DAB1: variants seen among roughly 807,000 people sequenced by gnomAD.
DAB1 encodes DAB adaptor protein 1, also known as disabled homolog 1.
In DAB1, 15 loss-of-function variants were observed where a neutral mutation model predicts 64.6. The observed-to-expected ratio is 0.23, with a 90% CI of 0.16 to 0.36. DAB1 has a LOEUF of 0.36. DAB1 is among the 10% of genes least tolerant of loss of function. DAB1 has a pLI of 1.00. For missense variants in DAB1, 596 were observed against 706.7 expected (o/e 0.84, Z 1.78); for synonymous variants, 235 against 251.9 (o/e 0.93, Z 0.64).
intron 7 of DAB1, among the ~76,000 whole-genome samples, chr1:57,474,784 A>G (rs941961814): frequency 4.6e-5 from 7 of 152,216 alleles, no homozygotes; most frequent in Non-Finnish European, 7.3e-5. Context: ...CTTATAGGAT[A>G]TATTTGGGGA....
intron 3 of DAB1, among the ~76,000 whole-genome samples, chr1:58,380,647 G>C (rs781123530): frequency 2.0e-5 from 3 of 152,204 alleles, no homozygotes; most frequent in Non-Finnish European, 4.4e-5. Context: ...GATAGGATTG[G>C]AGCAGATAGC....
chr1:58,196,342 C>G (rs1433241815), intron 4 of DAB1, among the ~76,000 whole-genome samples: 1 of 152,192 alleles, frequency 6.6e-6, no homozygotes, highest in Non-Finnish European at 1.5e-5. Flanking sequence ...ATCAAGAAGG[C>G]TTCTGCCTGT....
At chr1:57,984,916 G>GTT (rs34070813) in intron 5 of DAB1, among the ~76,000 whole-genome samples, 111 of 149,642 alleles carry the variant, frequency 7.4e-4, no homozygotes, top group East Asian at 2.0e-3. Context: ...AGTTGTTGTT[G>GTT]TTTTTTTTTT....
intron 7 of DAB1, among the ~76,000 whole-genome samples, chr1:57,587,601 T>C (rs1160990603): frequency 3.9e-5 from 6 of 152,208 alleles, no homozygotes; most frequent in Non-Finnish European, 4.4e-5. Context: ...GTTATAATAG[T>C]CATCTCCATG....
intron 4 of DAB1, among the ~76,000 whole-genome samples, chr1:58,240,781 T>C (rs1407468307): frequency 6.6e-6 from 1 of 152,194 alleles, no homozygotes; most frequent in Non-Finnish European, 1.5e-5. Flanking sequence ...CTGACTCTTA[T>C]CATATCCACA....
At chr1:58,024,217 C>T (rs1646854885) in intron 5 of DAB1, among the ~76,000 whole-genome samples, 1 of 152,076 alleles carries the variant, frequency 6.6e-6, no homozygotes, top group South Asian at 2.1e-4. Flanking sequence ...CAGGAGAGGG[C>T]AACATAAAGG....
At chr1:58,444,292 T>C (rs1461141226) in intron 3 of DAB1, among the ~76,000 whole-genome samples, 2 of 152,236 alleles carry the variant, frequency 1.3e-5, no homozygotes, top group African/African-American at 4.8e-5. Flanking sequence ...TGTGCCAAAC[T>C]GTTACAAGAG....
intron 5 of DAB1, among the ~76,000 whole-genome samples, chr1:57,966,844 T>C (rs1645678180): frequency 6.6e-6 from 1 of 152,218 alleles, no homozygotes; most frequent in Non-Finnish European, 1.5e-5. Flanking sequence ...GGAAAGAATG[T>C]TAAGAGCTTA....
At chr1:57,801,452 A>G (rs554225001) in intron 6 of DAB1, among the ~76,000 whole-genome samples, 1 of 152,310 alleles carries the variant, frequency 6.6e-6, no homozygotes, top group South Asian at 2.1e-4. Flanking sequence ...CTTATGGAAT[A>G]CCATTCAGTG....
At chr1:57,313,486 C>G (rs1674913146) in intron 1 of DAB1, among the ~76,000 whole-genome samples, 1 of 152,074 alleles carries the variant, frequency 6.6e-6, no homozygotes, top group Non-Finnish European at 1.5e-5. Context: ...TTTGTGGGAC[C>G]TCAAAAATAC....
chr1:57,197,595 G>C (rs1307495723), intron 2 of DAB1, among the ~76,000 whole-genome samples: 1 of 152,126 alleles, frequency 6.6e-6, no homozygotes, highest in East Asian at 1.9e-4. Context: ...CCAAGGTCTC[G>C]CAGCTAAATA....
intron 1 of DAB1, among the ~76,000 whole-genome samples, chr1:57,325,483 A>G (rs1676080482): frequency 1.3e-5 from 2 of 152,350 alleles, no homozygotes; most frequent in South Asian, 4.1e-4. Context: ...TAAATGAACC[A>G]CTGTGTATAA....
intron 3 of DAB1, among the ~76,000 whole-genome samples, chr1:58,389,060 T>G (rs937064212): frequency 1.1e-4 from 17 of 152,222 alleles, no homozygotes; most frequent in Middle Eastern, 3.4e-3. Context: ...CAGTCCAAGG[T>G]TCTAATCTGG....
chr1:57,169,290 C>T (rs116705484), intron 2 of DAB1, among the ~76,000 whole-genome samples: 1,550 of 152,230 alleles, frequency 0.01, 35 homozygotes, highest in African/African-American at 0.036. Context: ...ATTATCTTTA[C>T]TCATATTTAC....
chr1:58,427,345 T>C (rs1448827462), intron 3 of DAB1, among the ~76,000 whole-genome samples: 1 of 152,188 alleles, frequency 6.6e-6, no homozygotes, highest in African/African-American at 2.4e-5. Flanking sequence ...CCGAATGAGA[T>C]AGGAAGGCCT....
In DAB1 at chr1:58,233,382, T is replaced by C. The variant is rs535375667; in HGVS notation, n.310-82794A>G. Among the ~76,000 whole-genome samples, 4 of 152,240 alleles carry C rather than the reference T, an allele frequency of 2.6e-5. No individual in the cohort carries two copies. The South Asian group carries it at 8.3e-4, about 32-fold the overall frequency. Reference sequence around the variant, plus strand: ...GCAGTCTCCCAGATGGTAAGTGAAGTAGCAGGGCTAGGATTTGAACCCAGG... The same window carrying C: ...GCAGTCTCCCAGATGGTAAGTGAAGCAGCAGGGCTAGGATTTGAACCCAGG... On this transcript the variant is annotated intron_variant and non_coding_transcript_variant, in intron 4 of 20. Coordinates refer to the DAB1 transcript ENST00000485760.
intron 1 of DAB1, among the ~76,000 whole-genome samples, chr1:57,308,702 A>C (rs1288297821): frequency 1.3e-5 from 2 of 152,238 alleles, no homozygotes; most frequent in African/African-American, 2.4e-5. Context: ...ATGGCTAAAA[A>C]GTACTTTTCC....
At chr1:57,530,411 T>C (rs1281129345) in intron 7 of DAB1, among the ~76,000 whole-genome samples, 2 of 152,134 alleles carry the variant, frequency 1.3e-5, no homozygotes, top group Non-Finnish European at 2.9e-5. Flanking sequence ...ATGGATTGTA[T>C]GGACAGAACG....
chr1:57,850,854 T>A (rs1348896785), intron 1 of DAB1, among the ~76,000 whole-genome samples: 1 of 152,220 alleles, frequency 6.6e-6, no homozygotes, highest in East Asian at 1.9e-4. Flanking sequence ...TTCAACTCTC[T>A]GATAAGAATC....
Sources: gnomAD v4.1 joint callset for allele counts (sites outside exome capture counted in the v4.1 genomes callset) on GRCh38, gnomAD v4.1.1 for gene constraint, MANE v1.5 for transcripts, NCBI Gene and HGNC (gene_info 2026-07-23, HGNC 2026-07-21) for gene names.